DNAH7: variants seen among roughly 807,000 people sequenced by gnomAD.
DNAH7 encodes the protein dynein axonemal heavy chain 7, also known as axonemal beta dynein heavy chain 7.
DNAH7 carries 397 observed loss-of-function variants against 444.6 expected under a neutral mutation model. That is an observed-to-expected ratio of 0.89 (90% CI 0.82 to 0.97). The LOEUF (loss-of-function observed/expected upper bound fraction) is 0.97, where lower values mean the gene tolerates loss of function less well. Ranked by LOEUF, DNAH7 falls within the 50% of genes least tolerant of loss-of-function variation. The probability of loss-of-function intolerance (pLI) is 0.00; values close to 1 mark genes in which losing one functional copy is unlikely to be tolerated. For missense variants in DNAH7, 4,902 were observed against 4,800.8 expected, an observed-to-expected ratio of 1.02 and a Z score of -0.62; for synonymous variants, 1,636 against 1,624.4, an observed-to-expected ratio of 1.01 and a Z score of -0.17.
At chr2:195,761,218 G>C (rs2105921237) in intron 61 of DNAH7, among the ~76,000 whole-genome samples, 1 of 151,938 alleles carries the variant, frequency 6.6e-6, no homozygotes, top group East Asian at 1.9e-4. Context: ...ATGCATCAGA[G>C]TCTCTTAACA....
At chr2:195,747,594 C>T (rs148457373) in intron 63 of DNAH7, among the ~76,000 whole-genome samples, 1 of 152,192 alleles carries the variant, frequency 6.6e-6, no homozygotes, top group Non-Finnish European at 1.5e-5. Context: ...CAATAAAATA[C>T]TGGCAAACCA....
intron 29 of DNAH7, among the ~76,000 whole-genome samples, chr2:195,896,558 T>C (rs1001263518): frequency 6.6e-5 from 10 of 152,208 alleles, no homozygotes; most frequent in African/African-American, 2.2e-4. Context: ...AATGGCAGCG[T>C]AGAAGCAAGT....
At chr2:195,968,974 C>T (rs935262668) in intron 17 of DNAH7, among the ~76,000 whole-genome samples, 1 of 152,250 alleles carries the variant, frequency 6.6e-6, no homozygotes, top group Non-Finnish European at 1.5e-5. Context: ...TACAGATTCT[C>T]TCTCTGCACC....
intron 48 of DNAH7, among the ~76,000 whole-genome samples, chr2:195,828,867 A>T (rs1211873327): frequency 6.6e-6 from 1 of 152,032 alleles, no homozygotes; most frequent in Non-Finnish European, 1.5e-5. Flanking sequence ...AAAGCCTTAC[A>T]TATATTAGGG....
chr2:195,771,079 T>C (rs1240192480), intron 61 of DNAH7, among the ~76,000 whole-genome samples: 1 of 151,454 alleles, frequency 6.6e-6, no homozygotes, highest in Non-Finnish European at 1.5e-5. Context: ...CCCTGCACTT[T>C]GGGAGGCCAA....
intron 54 of DNAH7, among the ~76,000 whole-genome samples, chr2:195,805,661 G>A (rs1696673934): frequency 6.6e-6 from 1 of 152,032 alleles, no homozygotes. Flanking sequence ...ACCATTGTTG[G>A]TATAAAGACA....
At chr2:195,780,262 T>G (rs1695308509) in intron 58 of DNAH7, among the ~76,000 whole-genome samples, 1 of 152,124 alleles carries the variant, frequency 6.6e-6, no homozygotes, top group South Asian at 2.1e-4. Context: ...ACCATTTGTA[T>G]TTCTTATTTT....
At chr2:196,019,031 T>C in intron 9 of DNAH7, 139 bp downstream of exon 9, 1 of 1,033,850 alleles carries the variant, frequency 9.7e-7, no homozygotes, top group Non-Finnish European at 1.3e-6. Context: ...TTGTTGTTTA[T>C]TTAAAACCAT....
intron 40 of DNAH7, among the ~76,000 whole-genome samples, chr2:195,867,375 T>C (rs2125106536): frequency 6.6e-6 from 1 of 152,366 alleles, no homozygotes; most frequent in Non-Finnish European, 1.5e-5. Context: ...ATTTCTGGTA[T>C]ATTTATATTG....
chr2:196,058,159 A>C (rs760655895), intron 1 of DNAH7, 43 bp from the exon 2 acceptor site: 1 of 1,504,536 alleles, frequency 6.6e-7, no homozygotes, highest in Non-Finnish European at 8.9e-7. Context: ...TACTCCGTTA[A>C]TGCTAAAATT....
intron 58 of DNAH7, among the ~76,000 whole-genome samples, chr2:195,780,156 AAC>A (rs147455330): frequency 3.8e-3 from 582 of 152,322 alleles, no homozygotes; most frequent in Non-Finnish European, 6.3e-3. Flanking sequence ...CTCTCAAGAA[AAC>A]AGAGTATTAT....
At chr2:195,844,218 C>T (rs1255137972) in intron 47 of DNAH7, among the ~76,000 whole-genome samples, 2 of 152,122 alleles carry the variant, frequency 1.3e-5, no homozygotes, top group Non-Finnish European at 2.9e-5. Flanking sequence ...TTAAAAAGTA[C>T]CATCATATCA....
At chr2:195,992,197 T>C (rs1025830577) in intron 12 of DNAH7, among the ~76,000 whole-genome samples, 2 of 152,120 alleles carry the variant, frequency 1.3e-5, no homozygotes, top group African/African-American at 4.8e-5. Context: ...TGGTTTCCCA[T>C]ACAGGAAAAA....
chr2:196,003,894 G>A (rs1694200156), intron 10 of DNAH7, among the ~76,000 whole-genome samples: 1 of 152,164 alleles, frequency 6.6e-6, no homozygotes, highest in Admixed American at 6.5e-5. Context: ...CAAATAAGGA[G>A]TAACTAATTA....
rs2889141 is a variant in DNAH7, at chr2:195,945,746, A to C, written c.3079-8954T>G. Among the ~76,000 whole-genome samples, 206 of 152,328 alleles carry C rather than the reference A, an allele frequency of 1.4e-3. 7 individuals are homozygous for C. The South Asian group carries it at 0.035, about 26-fold the overall frequency. On this transcript the variant is annotated intron_variant, in intron 19 of 64. Coordinates refer to ENST00000312428, the MANE Select transcript of DNAH7 (RefSeq NM_018897.3). The stretch of plus-strand genomic sequence containing the variant: ...CCTGAGCAACAGAAAGAATAGTGTT[A>C]TATTTATTGAGATGGGGTTAGACAA...
chr2:195,977,964 C>T (rs1490026044), intron 15 of DNAH7, among the ~76,000 whole-genome samples: 1 of 152,170 alleles, frequency 6.6e-6, no homozygotes, highest in East Asian at 1.9e-4. Flanking sequence ...GGGATTTCAT[C>T]AACACCAGAC....
At chr2:195,939,998 T>G (rs1689314638) in intron 19 of DNAH7, among the ~76,000 whole-genome samples, 2 of 152,180 alleles carry the variant, frequency 1.3e-5, no homozygotes, top group African/African-American at 4.8e-5. Flanking sequence ...CCACTGACTT[T>G]CTTTGCAGAA....
chr2:195,836,484 G>A (rs1698378190), intron 47 of DNAH7, among the ~76,000 whole-genome samples: 1 of 150,346 alleles, frequency 6.7e-6, no homozygotes, highest in Non-Finnish European at 1.5e-5. Flanking sequence ...GTGACAGAGT[G>A]AGACCCTGTC....
At chr2:195,981,866 A>G (rs1017889811) in intron 15 of DNAH7, among the ~76,000 whole-genome samples, 8 of 152,190 alleles carry the variant, frequency 5.3e-5, no homozygotes, top group Non-Finnish European at 7.4e-5. Context: ...AACTGCCACA[A>G]GGAAACATTG....
Sources: allele counts gnomAD v4.1 joint callset (sites outside exome capture counted in the v4.1 genomes callset), GRCh38; gene constraint gnomAD v4.1.1; transcripts MANE v1.5; gene names NCBI Gene and HGNC (gene_info 2026-07-23, HGNC 2026-07-21).